The following LAMA1 variants were observed in gnomAD, a reference collection of about 807,000 sequenced individuals.
The protein encoded by LAMA1 is laminin subunit alpha 1.
LAMA1 carries 219 observed loss-of-function variants against 348.7 expected under a neutral mutation model. The ratio of observed to expected loss-of-function variants is 0.63; its 90% CI spans 0.56 to 0.70. The LOEUF is 0.70. Among genes scored for constraint, LAMA1 ranks in the 30% least tolerant of loss-of-function variants. The pLI, the probability that LAMA1 is intolerant of heterozygous loss-of-function variation, is 0.00. For synonymous variants in LAMA1, 1,487 were observed against 1,491.0 expected (o/e 1.00, Z 0.06); for missense variants, 3,744 against 3,888.0 (o/e 0.96, Z 0.99).
chr18:6,975,848 A>ATTT, intron 45 of LAMA1, 89 bp downstream of exon 45: 2 of 1,456,960 alleles, frequency 1.4e-6, no homozygotes, highest in South Asian at 1.2e-5. Context: ...ACTAAGGCCT[A>ATTT]TTTTTTTTTC....
intron 48 of LAMA1, among the ~76,000 whole-genome samples, chr18:6,970,410 A>G (rs2057652816): frequency 6.6e-6 from 1 of 152,128 alleles, no homozygotes; most frequent in Non-Finnish European, 1.5e-5. Flanking sequence ...TGTGTTCATC[A>G]CTGTGATTTA....
intron 1 of LAMA1, among the ~76,000 whole-genome samples, chr18:7,085,635 G>C (rs150951841): frequency 1.3e-5 from 2 of 151,866 alleles, no homozygotes; most frequent in Admixed American, 6.6e-5. Flanking sequence ...AGCCAGGATG[G>C]TCTCGATCTC....
intron 1 of LAMA1, among the ~76,000 whole-genome samples, chr18:7,088,358 A>G (rs2058225949): frequency 6.6e-6 from 1 of 152,074 alleles, no homozygotes; most frequent in Admixed American, 6.6e-5. Context: ...ACAATCTTTT[A>G]ATTGTCACGT....
chr18:7,044,594 C>T (rs2058034273), intron 7 of LAMA1, 128 bp downstream of exon 7: 2 of 825,582 alleles, frequency 2.4e-6, no homozygotes, highest in Non-Finnish European at 4.3e-6. Context: ...TCATCTGCAG[C>T]TTTGGAAACT....
intron 3 of LAMA1, among the ~76,000 whole-genome samples, chr18:7,072,533 G>A (rs552405034): frequency 2.0e-5 from 3 of 152,194 alleles, no homozygotes; most frequent in Non-Finnish European, 2.9e-5. Flanking sequence ...TCTCTCGGCT[G>A]AGAACCAAGA....
At chr18:7,033,197 T>G in intron 14 of LAMA1, 102 bp from the exon 15 acceptor site, 10 of 849,356 alleles carry the variant, frequency 1.2e-5, no homozygotes, top group Non-Finnish European at 1.9e-5. Context: ...CCGGGCGCAG[T>G]GGCTCACGCC....
chr18:6,992,096 T>A (rs949115561), intron 36 of LAMA1, among the ~76,000 whole-genome samples: 1 of 152,258 alleles, frequency 6.6e-6, no homozygotes, highest in Admixed American at 6.5e-5. Flanking sequence ...TGCTTTGTGA[T>A]CTCTGTGTCA....
rs1374231375 is a variant in LAMA1, at chr18:6,999,958, G to A, written c.4422C>T (p.Phe1474=). The A allele has an allele frequency of 6.2e-7, 1 of 1,614,106 alleles. No homozygotes were observed. ...PTCVLEGDHD[F]RCDACLLGYE... Reference sequence around the variant, plus strand: ...AGCCCAGGAGACAGGCGTCACAACGGAAATCGTGGTCCCCTTCCAAGACAC... The same window carrying A: ...AGCCCAGGAGACAGGCGTCACAACGAAAATCGTGGTCCCCTTCCAAGACAC... Residue 1474 remains phenylalanine (F), a synonymous_variant, in exon 31 of 63, where the codon TTC becomes TTT. Transcript: ENST00000389658.
At chr18:6,979,693 A>G (rs920550858) in intron 42 of LAMA1, among the ~76,000 whole-genome samples, 4 of 152,070 alleles carry the variant, frequency 2.6e-5, no homozygotes, top group Admixed American at 6.5e-5. Flanking sequence ...AGGTCAGGAG[A>G]TCGAGACCAT....
intron 44 of LAMA1, among the ~76,000 whole-genome samples, chr18:6,977,017 C>G (rs1231925172): frequency 1.3e-5 from 2 of 152,236 alleles, no homozygotes; most frequent in Non-Finnish European, 2.9e-5. Flanking sequence ...AAAGACAGAG[C>G]CCTGTGCTCC....
At chr18:7,061,132 T>C (rs2143746897) in intron 3 of LAMA1, among the ~76,000 whole-genome samples, 1 of 152,340 alleles carries the variant, frequency 6.6e-6, no homozygotes. Context: ...CACTCCAGCC[T>C]GGATGACAGA....
At chr18:7,113,253 G>C (rs950691296) in intron 1 of LAMA1, among the ~76,000 whole-genome samples, 1 of 152,164 alleles carries the variant, frequency 6.6e-6, no homozygotes, top group African/African-American at 2.4e-5. Flanking sequence ...AGATGTGTCC[G>C]GCACTTAAGA....
At position 6,974,233 on chromosome 18, in the gene LAMA1, A is replaced by AAT. The variant is rs138192667; in HGVS notation, c.6623+669_6623+670insAT. 6.2e-3 allele frequency among the ~76,000 whole-genome samples: 951 copies of AAT among 152,164 alleles called. 6 individuals carry two copies. Among genetic ancestry groups the AAT allele is most frequent in the African/African-American group, 0.022 (893 of 41,496 alleles). On this transcript the variant is annotated intron_variant, in intron 46 of 62. Transcript: ENST00000389658. ...ATCCAAACCTTAAGTTTTTAAAAAA[A>AAT]TTTTTTGAATTAATTTTTATTATAT...
intron 3 of LAMA1, among the ~76,000 whole-genome samples, chr18:7,054,347 A>G (rs1362552618): frequency 6.6e-6 from 1 of 152,072 alleles, no homozygotes; most frequent in Non-Finnish European, 1.5e-5. Context: ...AGAACTCTAA[A>G]TGTTTTCTGA....
chr18:7,010,674 T>G (rs2057855548), intron 25 of LAMA1, among the ~76,000 whole-genome samples: 1 of 152,006 alleles, frequency 6.6e-6, no homozygotes, highest in Non-Finnish European at 1.5e-5. Flanking sequence ...GATTAAAAAT[T>G]TCTCTATCTC....
intron 1 of LAMA1, among the ~76,000 whole-genome samples, chr18:7,111,109 AGGAGG>A (rs2058334259): frequency 6.6e-6 from 1 of 152,178 alleles, no homozygotes; most frequent in African/African-American, 2.4e-5. Flanking sequence ...CCAGCAATAC[AGGAGG>A]TTCTCTGGCA....
intron 12 of LAMA1, among the ~76,000 whole-genome samples, chr18:7,036,522 G>A (rs1161655445): frequency 2.0e-5 from 3 of 152,188 alleles, no homozygotes; most frequent in African/African-American, 7.2e-5. Context: ...AGGACTAAAG[G>A]TGTTTCTTCT....
intron 42 of LAMA1, 29 bp from the exon 43 acceptor site, chr18:6,978,407 C>G (rs1247092742): frequency 1.3e-6 from 2 of 1,573,990 alleles, no homozygotes; most frequent in Non-Finnish European, 1.7e-6. Context: ...AAAGCATGCA[C>G]TTCTGGTGCT....
At chr18:6,964,827 G>A in intron 50 of LAMA1, 24 bp from the exon 51 acceptor site, 1 of 1,613,640 alleles carries the variant, frequency 6.2e-7, no homozygotes, top group Non-Finnish European at 8.5e-7. Flanking sequence ...ACAGGCAAGA[G>A]ATAAGAAAAG....
Sources: allele counts gnomAD v4.1 joint callset (sites outside exome capture counted in the v4.1 genomes callset), GRCh38; gene constraint gnomAD v4.1.1; transcripts MANE v1.5; gene names NCBI Gene and HGNC (gene_info 2026-07-23, HGNC 2026-07-21).